Variants in AGBL4 observed in about 807,000 individuals in gnomAD.
The protein encoded by AGBL4 is cytosolic carboxypeptidase 6.
In AGBL4, 58 loss-of-function variants were observed where a neutral mutation model predicts 66.4. The observed-to-expected ratio is 0.87, with a 90% CI of 0.71 to 1.09. The LOEUF (loss-of-function observed/expected upper bound fraction) is 1.09. Ranked by LOEUF, AGBL4 falls within the 50% of genes least tolerant of loss-of-function variation. The pLI is 0.00. For synonymous variants in AGBL4, 234 were observed against 222.9 expected (o/e 1.05, Z -0.44); for missense variants, 579 against 631.0 (o/e 0.92, Z 0.88).
intron 11 of AGBL4, among the ~76,000 whole-genome samples, chr1:48,570,640 T>G (rs1191964766): frequency 6.6e-6 from 1 of 152,108 alleles, no homozygotes; most frequent in Non-Finnish European, 1.5e-5. Context: ...ATCTGGCACA[T>G]AGTAGGCAAA....
At chr1:49,393,037 C>T (rs1181940261) in intron 3 of AGBL4, among the ~76,000 whole-genome samples, 1 of 152,150 alleles carries the variant, frequency 6.6e-6, no homozygotes, top group Non-Finnish European at 1.5e-5. Flanking sequence ...ATGTGAGCAT[C>T]AGTTCTCACC....
chr1:49,779,325 A>T (rs1230043702), intron 2 of AGBL4, among the ~76,000 whole-genome samples: 2 of 152,204 alleles, frequency 1.3e-5, no homozygotes, highest in Admixed American at 1.3e-4. Flanking sequence ...GGCTTTATTC[A>T]CCTACTGCAA....
chr1:48,585,674 A>G (rs1644806961), intron 11 of AGBL4: 1 of 152,138 alleles, frequency 6.6e-6, no homozygotes, highest in African/African-American at 2.4e-5. Context: ...TTCCAATCAT[A>G]ATATCTCTGT....
chr1:49,772,861 C>G (rs1051750318), intron 2 of AGBL4, among the ~76,000 whole-genome samples: 5 of 152,110 alleles, frequency 3.3e-5, no homozygotes, highest in Admixed American at 6.5e-5. Flanking sequence ...TTTGAGCCTC[C>G]TGTATCTGAA....
At chr1:49,307,778 T>G (rs1343481885) in intron 3 of AGBL4, among the ~76,000 whole-genome samples, 3 of 152,130 alleles carry the variant, frequency 2.0e-5, no homozygotes, top group Admixed American at 1.3e-4. Context: ...GAAAATGAAC[T>G]TAAGATCTCT....
intron 5 of AGBL4, among the ~76,000 whole-genome samples, chr1:49,034,633 G>A (rs1664492611): frequency 6.6e-6 from 1 of 152,084 alleles, no homozygotes; most frequent in Non-Finnish European, 1.5e-5. Context: ...TAATCATGGG[G>A]GTGGCTACCC....
In AGBL4 at chr1:49,655,028, T is replaced by C. The variant is rs558524177; in HGVS notation, c.282+42285A>G. On this transcript the variant is annotated intron_variant, in intron 3 of 13. Coordinates refer to ENST00000371839, the MANE Select transcript of AGBL4 (RefSeq NM_032785.4). ...ATTTCTTCCTAGCATCAATGGTCTT[T>C]ATAATTTGGCATGTTTTTGCAGATG... 9.9e-4 allele frequency among the ~76,000 whole-genome samples: 151 copies of C among 152,322 alleles called. 1 individual carries two copies. The highest frequency in any genetic ancestry group is 1.3e-3 in the Non-Finnish European group (90 of 68,020).
intron 7 of AGBL4, among the ~76,000 whole-genome samples, chr1:48,659,535 C>A (rs1280330512): frequency 6.6e-6 from 1 of 152,216 alleles, no homozygotes; most frequent in Non-Finnish European, 1.5e-5. Context: ...GCCCCAGAGT[C>A]CCAGGAAGAG....
rs1310366713 is a variant in AGBL4, at chr1:48,533,545, G to A, written c.*628C>T. Reference sequence around the variant, plus strand: ...CTAAAATTTTAATTAAACTACCGAGGAAATTGGGAAACAGCTCTCAAAACA... The same window carrying A: ...CTAAAATTTTAATTAAACTACCGAGAAAATTGGGAAACAGCTCTCAAAACA... On this transcript the variant is annotated 3_prime_UTR_variant, in exon 14 of 14. Transcript: ENST00000371839. 6.6e-6 allele frequency: 1 copy of A among 152,558 alleles called. No individual in the cohort carries two copies. The highest frequency in any genetic ancestry group is 1.5e-5 in the Non-Finnish European group (1 of 68,416). The allele number at this position is 152,558 out of a possible 1,614,324, so 9.5% of individuals were successfully genotyped here.
At chr1:48,865,563 T>G (rs764289087) in intron 6 of AGBL4, among the ~76,000 whole-genome samples, 10 of 152,308 alleles carry the variant, frequency 6.6e-5, no homozygotes, top group Non-Finnish European at 1.0e-4. Context: ...GATTTTTTTT[T>G]CAATCCCAAA....
At position 49,649,397 on chromosome 1, in the gene AGBL4, G is replaced by T. The variant is rs200647916; in HGVS notation, c.282+47916C>A. Among the ~76,000 whole-genome samples the T allele has an allele frequency of 2.6e-5, 4 of 152,230 alleles. No individual in the cohort carries two copies. The East Asian group carries it at 7.7e-4, about 29-fold the overall frequency. Reference sequence around the variant, plus strand: ...AAATGGAGTGATATACAATGATTCAGGTCACTTCTTCAAGAAAACATAACA... The same window carrying T: ...AAATGGAGTGATATACAATGATTCATGTCACTTCTTCAAGAAAACATAACA... On this transcript the variant is annotated intron_variant, in intron 3 of 13. Transcript: ENST00000371839.
chr1:49,321,771 G>C (rs891443585), intron 3 of AGBL4, among the ~76,000 whole-genome samples: 1 of 152,116 alleles, frequency 6.6e-6, no homozygotes, highest in East Asian at 1.9e-4. Context: ...TCACTATACC[G>C]AGTTCTCCTT....
chr1:48,911,145 T>C (rs1653058358), intron 5 of AGBL4, among the ~76,000 whole-genome samples: 1 of 152,238 alleles, frequency 6.6e-6, no homozygotes, highest in African/African-American at 2.4e-5. Context: ...CTCCCATTTA[T>C]TGTCTCATTT....
chr1:49,256,342 A>T (rs1274466075), intron 3 of AGBL4, among the ~76,000 whole-genome samples: 2 of 152,294 alleles, frequency 1.3e-5, no homozygotes, highest in East Asian at 3.9e-4. Flanking sequence ...TCAAAAAGGC[A>T]TTTATTGATA....
intron 2 of AGBL4, among the ~76,000 whole-genome samples, chr1:49,834,597 T>C (rs1418549919): frequency 6.6e-6 from 1 of 152,218 alleles, no homozygotes; most frequent in Non-Finnish European, 1.5e-5. Flanking sequence ...TGATCTTAGT[T>C]ATTTCTTGTC....
At chr1:48,715,578 G>A (rs936000391) in intron 6 of AGBL4, among the ~76,000 whole-genome samples, 6 of 152,158 alleles carry the variant, frequency 3.9e-5, no homozygotes, top group African/African-American at 1.4e-4. Context: ...AGTATTTGCT[G>A]AGTGAATAAA....
chr1:49,643,818 A>C (rs1026100587), intron 3 of AGBL4, among the ~76,000 whole-genome samples: 6 of 151,778 alleles, frequency 4.0e-5, no homozygotes, highest in Non-Finnish European at 5.9e-5. Flanking sequence ...GGGCAACAAA[A>C]AATGTAAAAA....
chr1:49,873,755 G>A (rs1022825613), intron 1 of AGBL4, among the ~76,000 whole-genome samples: 2 of 152,014 alleles, frequency 1.3e-5, no homozygotes, highest in African/African-American at 4.8e-5. Context: ...ACAGAACACA[G>A]GCTGTTTCTG....
rs192031550 is a variant in AGBL4, at chr1:49,220,417, C to T, written c.377+25353G>A. Among the ~76,000 whole-genome samples, 394 of 152,218 alleles carry T rather than the reference C, an allele frequency of 2.6e-3. 7 individuals are homozygous for T. The highest frequency in any genetic ancestry group is 0.023 in the Admixed American group (345 of 15,272). ...CATTGCTTTGGGTAATTTCCTTAAC[C>T]TCTTTGAGATTCACGTTCTTCCTTG... On this transcript the variant is annotated intron_variant, in intron 4 of 13. Transcript: ENST00000371839.
Sources: gnomAD v4.1 joint callset for allele counts (sites outside exome capture counted in the v4.1 genomes callset) on GRCh38, gnomAD v4.1.1 for gene constraint, MANE v1.5 for transcripts, NCBI Gene and HGNC (gene_info 2026-07-23, HGNC 2026-07-21) for gene names.